The following CCDC138 variants were observed in gnomAD, a reference collection of about 807,000 sequenced individuals.
CCDC138 encodes coiled-coil domain containing 138, also known as coiled-coil domain-containing protein 138.
A neutral mutation model predicts 82.3 loss-of-function variants in CCDC138; 66 were observed. The ratio of observed to expected loss-of-function variants is 0.80; its 90% confidence interval spans 0.66 to 0.98. The LOEUF (loss-of-function observed/expected upper bound fraction) is 0.98. CCDC138 is among the 50% of genes least tolerant of loss of function. The probability of loss-of-function intolerance (pLI) is 0.00; values close to 1 mark genes in which losing one functional copy is unlikely to be tolerated. For missense variants in CCDC138, 816 were observed against 758.9 expected (o/e 1.08, Z -0.88); for synonymous variants, 297 against 265.4 (o/e 1.12, Z -1.16).
rs1331155022 is a variant in CCDC138 at position 108,798,595 on chromosome 2, A to G, written c.735+9A>G. 1.3e-6 allele frequency: 2 copies of G among 1,562,378 alleles called. No individual in the cohort carries two copies. The highest frequency in any genetic ancestry group is 1.7e-6 in the Non-Finnish European group (2 of 1,148,100). On this transcript the variant is annotated intron_variant, in intron 6 of 14. Coordinates refer to ENST00000295124, the MANE Select transcript of CCDC138 (RefSeq NM_144978.3). ...TTCAAATTATAAAAGAGGTAACTAT[A>G]TAGCCTTTGATTTTAGAGTGGTATA...
rs1189902425 is a variant in CCDC138, at chr2:108,853,967, A to T, written c.1517-2827A>T. 7.1e-5 allele frequency among the ~76,000 whole-genome samples: 8 copies of T among 112,892 alleles called. No individual in the cohort carries two copies. The South Asian group carries it at 1.2e-3, about 17-fold the overall frequency. The allele number at this position is 112,892 out of a possible 152,430, so 74.1% of individuals were successfully genotyped here. Reference sequence around the variant, plus strand: ...AATATACAATAAATATATATAATAAAATATATATAATATATAATATATAAT... The same window carrying T: ...AATATACAATAAATATATATAATAATATATATATAATATATAATATATAAT... On this transcript the variant is annotated intron_variant, in intron 12 of 14. Coordinates refer to ENST00000295124, the MANE Select transcript of CCDC138 (RefSeq NM_144978.3).
chr2:108,878,560 CAG>C (rs1335675148), downstream of CCDC138: 1 of 205,332 alleles, frequency 4.9e-6, no homozygotes, highest in Non-Finnish European at 1.0e-5. Flanking sequence ...TCTGGACAGT[CAG>C]ATATGTTTTA....
chr2:108,834,094 A>G (rs183783067), intron 10 of CCDC138, among the ~76,000 whole-genome samples: 111 of 151,546 alleles, frequency 7.3e-4, no homozygotes, highest in Non-Finnish European at 1.2e-3. Context: ...GGAAACTAGA[A>G]TTTGAGGGTA....
intron 14 of CCDC138, among the ~76,000 whole-genome samples, chr2:108,874,065 A>T (rs1226030688): frequency 6.6e-6 from 1 of 152,210 alleles, no homozygotes; most frequent in East Asian, 1.9e-4. Context: ...AATGAACTTT[A>T]AATGCTTCAT....
At chr2:108,795,658 C>T (rs1174552333) in intron 5 of CCDC138, among the ~76,000 whole-genome samples, 3 of 152,184 alleles carry the variant, frequency 2.0e-5, no homozygotes, top group Non-Finnish European at 4.4e-5. Flanking sequence ...ATTATTTTAG[C>T]CTAAAATCAC....
At chr2:108,789,585 T>G (rs546079989) in intron 3 of CCDC138, among the ~76,000 whole-genome samples, 9 of 152,224 alleles carry the variant, frequency 5.9e-5, no homozygotes, top group Admixed American at 5.2e-4. Context: ...TGAGCAAAAC[T>G]GTCCTGAAGA....
intron 13 of CCDC138, among the ~76,000 whole-genome samples, chr2:108,869,925 G>T (rs1269766996): frequency 2.0e-5 from 3 of 152,154 alleles, no homozygotes; most frequent in African/African-American, 7.2e-5. Flanking sequence ...CTCATCCAAA[G>T]GAACAAAATA....
intron 10 of CCDC138, among the ~76,000 whole-genome samples, chr2:108,822,519 T>A (rs1348666700): frequency 6.6e-6 from 1 of 152,186 alleles, no homozygotes; most frequent in Non-Finnish European, 1.5e-5. Context: ...TTCTCAAGTG[T>A]ACATGGAACA....
At chr2:108,819,657 C>T (rs1685336080) in intron 10 of CCDC138, among the ~76,000 whole-genome samples, 1 of 152,132 alleles carries the variant, frequency 6.6e-6, no homozygotes, top group Non-Finnish European at 1.5e-5. Flanking sequence ...TTTGGATGGT[C>T]CCAAAACCTC....
In CCDC138 at chr2:108,798,605, AT is replaced by A. The variant is rs762555417; in HGVS notation, c.735+23del. 8.5e-6 allele frequency: 13 copies of A among 1,534,238 alleles called. No homozygotes were observed. In the East Asian group the frequency reaches 2.9e-4, roughly 35 times the overall value. On this transcript the variant is annotated intron_variant, in intron 6 of 14. Transcript: ENST00000295124. ...AAAAGAGGTAACTATATAGCCTTTG[AT>A]TTTAGAGTGGTATATTTCTTCTTTT...
At chr2:108,854,324 T>G (rs546297537) in intron 12 of CCDC138, among the ~76,000 whole-genome samples, 1 of 151,590 alleles carries the variant, frequency 6.6e-6, no homozygotes. Flanking sequence ...TTACTTCAAC[T>G]CTATAGTCAG....
In CCDC138 at chr2:108,794,656, A is replaced by C. The variant is rs934158798; in HGVS notation, c.511A>C (p.Ser171Arg). ...AAAATCTAAAGCATCAGACAAGCGG[A>C]GTTTACTTCCACATCAGATCAGTCA... ...CPKSKASDKRSLLPHQISQIY... is the reference protein window; with the variant it reads ...CPKSKASDKRRLLPHQISQIY... The change falls in exon 5 of 15, where the codon AGT (serine) becomes CGT (arginine). Residue 171 changes from serine (S) to arginine (R), a missense_variant. Coordinates refer to ENST00000295124, the MANE Select transcript of CCDC138 (RefSeq NM_144978.3). The C allele has an allele frequency of 6.2e-7, 1 of 1,614,132 alleles. No homozygotes were observed. Among genetic ancestry groups the C allele is most frequent in the Non-Finnish European group, 8.5e-7 (1 of 1,180,012 alleles).
chr2:108,836,812 A>C (rs893722212), intron 10 of CCDC138, among the ~76,000 whole-genome samples: 7 of 151,622 alleles, frequency 4.6e-5, no homozygotes, highest in African/African-American at 1.7e-4. Context: ...ATTTTCATTC[A>C]TTTTGATGCT....
intron 12 of CCDC138, among the ~76,000 whole-genome samples, chr2:108,849,754 C>G (rs1691136295): frequency 6.6e-6 from 1 of 152,198 alleles, no homozygotes; most frequent in African/African-American, 2.4e-5. Context: ...CTGGCCTCTC[C>G]CAGCCTAGGC....
chr2:108,830,808 C>T (rs1370199142), intron 10 of CCDC138, among the ~76,000 whole-genome samples: 1 of 148,108 alleles, frequency 6.8e-6, no homozygotes, highest in Non-Finnish European at 1.5e-5. Context: ...AACTCCGTCT[C>T]AAATAAAAAA....
intron 10 of CCDC138, among the ~76,000 whole-genome samples, chr2:108,821,160 C>T (rs1039353636): frequency 1.2e-4 from 18 of 152,092 alleles, no homozygotes; most frequent in African/African-American, 2.9e-4. Flanking sequence ...GAGTTTGAGA[C>T]CAGCCTGGCC....
intron 10 of CCDC138, among the ~76,000 whole-genome samples, chr2:108,827,239 T>C (rs781130618): frequency 6.6e-6 from 1 of 152,196 alleles, no homozygotes; most frequent in African/African-American, 2.4e-5. Context: ...CAAAAAATTA[T>C]TAGAACTCAT....
chr2:108,824,996 A>G (rs1016778458), intron 10 of CCDC138, among the ~76,000 whole-genome samples: 22 of 152,240 alleles, frequency 1.4e-4, no homozygotes, highest in African/African-American at 4.1e-4. Context: ...ACTCTTTCAT[A>G]TGGAACTAGA....
chr2:108,855,444 G>A (rs573671490), intron 12 of CCDC138, among the ~76,000 whole-genome samples: 8 of 151,458 alleles, frequency 5.3e-5, no homozygotes, highest in South Asian at 2.1e-4. Context: ...AAAGAGTTGC[G>A]TTCAGGCTTC....
Sources: gnomAD v4.1 joint callset for allele counts (sites outside exome capture counted in the v4.1 genomes callset) on GRCh38, gnomAD v4.1.1 for gene constraint, MANE v1.5 for transcripts, NCBI Gene and HGNC (gene_info 2026-07-23, HGNC 2026-07-21) for gene names.